ZDHHC14: variants seen among roughly 807,000 people sequenced by gnomAD.
ZDHHC14 encodes the protein zDHHC palmitoyltransferase 14.
A neutral mutation model predicts 47.7 loss-of-function variants in ZDHHC14; 16 were observed. The ratio of observed to expected loss-of-function variants is 0.34; its 90% CI spans 0.23 to 0.51. ZDHHC14 has a LOEUF of 0.51. ZDHHC14 is among the 20% of genes least tolerant of loss of function. The pLI is 0.97. For missense variants in ZDHHC14, 515 were observed against 662.5 expected (o/e 0.78, Z 2.44); for synonymous variants, 293 against 278.9 (o/e 1.05, Z -0.50).
At chr6:157,555,844 T>C (rs1037912409) in intron 2 of ZDHHC14, among the ~76,000 whole-genome samples, 11 of 152,158 alleles carry the variant, frequency 7.2e-5, no homozygotes, top group African/African-American at 2.7e-4. Context: ...CATTGCCAAA[T>C]GTCCCCTTGG....
At chr6:157,609,126 T>C (rs1424587939) in intron 3 of ZDHHC14, among the ~76,000 whole-genome samples, 4 of 152,220 alleles carry the variant, frequency 2.6e-5, no homozygotes, top group Non-Finnish European at 4.4e-5. Flanking sequence ...AGTATGTAAT[T>C]CAGTGTAACT....
chr6:157,484,924 C>T lies in ZDHHC14; in HGVS notation c.246-57661C>T, dbSNP rs149639283. Among the ~76,000 whole-genome samples, 421 of 151,910 alleles carry T rather than the reference C, an allele frequency of 2.8e-3. 4 individuals carry two copies. Among genetic ancestry groups the T allele is most frequent in the African/African-American group, 0.01 (415 of 41,422 alleles). ...ACCAGCCTGGCCAACATGGTGAAAC[C>T]CCATCTCTACTAAAAATACAAAAAT... On this transcript the variant is annotated intron_variant, in intron 1 of 8. Coordinates refer to ENST00000359775, the MANE Select transcript of ZDHHC14 (RefSeq NM_024630.3).
At chr6:157,640,354 C>T (rs1024077690) in intron 5 of ZDHHC14, among the ~76,000 whole-genome samples, 1 of 152,226 alleles carries the variant, frequency 6.6e-6, no homozygotes, top group African/African-American at 2.4e-5. Context: ...GTTGCATTCA[C>T]TGGACACTGA....
At chr6:157,388,320 C>T (rs1357057680) in intron 1 of ZDHHC14, among the ~76,000 whole-genome samples, 1 of 152,286 alleles carries the variant, frequency 6.6e-6, no homozygotes, top group Non-Finnish European at 1.5e-5. Flanking sequence ...AGAAAGGACT[C>T]CTCTAGGTTC....
chr6:157,604,426 G>A (rs377079369), intron 3 of ZDHHC14, among the ~76,000 whole-genome samples: 2 of 152,184 alleles, frequency 1.3e-5, no homozygotes, highest in African/African-American at 4.8e-5. Flanking sequence ...GGAGGTCCTG[G>A]AAGCAATCCC....
intron 1 of ZDHHC14, among the ~76,000 whole-genome samples, chr6:157,444,159 C>T (rs1232036730): frequency 1.3e-5 from 2 of 152,162 alleles, no homozygotes; most frequent in African/African-American, 4.8e-5. Context: ...TAAACTGACT[C>T]CAAATTATTA....
intron 1 of ZDHHC14, among the ~76,000 whole-genome samples, chr6:157,515,542 CA>C (rs528563483): frequency 1.3e-5 from 2 of 150,076 alleles, no homozygotes; most frequent in African/African-American, 4.9e-5. Flanking sequence ...CCGCTCACTG[CA>C]AGCTCCGCCT....
chr6:157,396,562 C>T (rs1777526804), intron 1 of ZDHHC14, among the ~76,000 whole-genome samples: 1 of 152,188 alleles, frequency 6.6e-6, no homozygotes, highest in South Asian at 2.1e-4. Context: ...GCAGATTTTC[C>T]TGCCTCTCTT....
chr6:157,392,788 C>G (rs147084399), intron 1 of ZDHHC14, among the ~76,000 whole-genome samples: 2,303 of 152,278 alleles, frequency 0.015, 22 homozygotes, highest in Non-Finnish European at 0.016. Flanking sequence ...CATACCATTA[C>G]AGTAGACCTC....
intron 1 of ZDHHC14, among the ~76,000 whole-genome samples, chr6:157,454,498 CTTTTTTTT>C (rs5881212): frequency 3.9e-5 from 5 of 127,674 alleles, no homozygotes; most frequent in African/African-American, 1.2e-4. Context: ...GCAGCTTCTT[CTTTTTTTT>C]TTTTTTTTTT....
intron 3 of ZDHHC14, among the ~76,000 whole-genome samples, chr6:157,610,797 T>C (rs1336813003): frequency 1.3e-5 from 2 of 152,202 alleles, no homozygotes; most frequent in Non-Finnish European, 2.9e-5. Flanking sequence ...GCCAGCATTC[T>C]CTCACCAGGC....
intron 3 of ZDHHC14, among the ~76,000 whole-genome samples, chr6:157,607,527 A>T (rs1412838521): frequency 2.0e-5 from 3 of 152,156 alleles, no homozygotes; most frequent in Non-Finnish European, 4.4e-5. Flanking sequence ...GACCACCTAC[A>T]GTGTGGCCTG....
intron 1 of ZDHHC14, among the ~76,000 whole-genome samples, chr6:157,521,878 C>G (rs1210917798): frequency 6.6e-6 from 1 of 152,308 alleles, no homozygotes; most frequent in Non-Finnish European, 1.5e-5. Context: ...GCTCTGACTT[C>G]TAGATTGACT....
intron 2 of ZDHHC14, among the ~76,000 whole-genome samples, chr6:157,545,819 G>A (rs947899563): frequency 1.3e-5 from 2 of 152,174 alleles, no homozygotes; most frequent in Non-Finnish European, 2.9e-5. Flanking sequence ...CTCTAGTTGC[G>A]TGACTTAGGT....
intron 3 of ZDHHC14, among the ~76,000 whole-genome samples, chr6:157,605,501 GC>G (rs1446726474): frequency 6.6e-6 from 1 of 152,140 alleles, no homozygotes; most frequent in Non-Finnish European, 1.5e-5. Flanking sequence ...CAAGCAATGG[GC>G]TGGAAAGTGT....
At chr6:157,400,841 C>T (rs1186780225) in intron 1 of ZDHHC14, among the ~76,000 whole-genome samples, 3 of 152,226 alleles carry the variant, frequency 2.0e-5, no homozygotes, top group African/African-American at 7.2e-5. Context: ...CTGCCTCTTA[C>T]CAGTGAGTGC....
chr6:157,589,086 A>G (rs1783807518), intron 2 of ZDHHC14, among the ~76,000 whole-genome samples: 1 of 152,192 alleles, frequency 6.6e-6, no homozygotes, highest in South Asian at 2.1e-4. Flanking sequence ...TATAGGAAGC[A>G]TGGCTGAGGA....
intron 2 of ZDHHC14, among the ~76,000 whole-genome samples, chr6:157,560,321 G>A (rs1289451107): frequency 2.6e-5 from 4 of 152,186 alleles, no homozygotes; most frequent in African/African-American, 9.7e-5. Flanking sequence ...GCAGGTGCCC[G>A]GCTGAAGACC....
chr6:157,652,945 G>C (rs1269924068), intron 7 of ZDHHC14, among the ~76,000 whole-genome samples: 1 of 152,202 alleles, frequency 6.6e-6, no homozygotes, highest in Non-Finnish European at 1.5e-5. Context: ...AGGGGCAAGA[G>C]CAGGGGCTTT....
Sources: allele counts gnomAD v4.1 joint callset (sites outside exome capture counted in the v4.1 genomes callset), GRCh38; gene constraint gnomAD v4.1.1; transcripts MANE v1.5; gene names NCBI Gene and HGNC (gene_info 2026-07-23, HGNC 2026-07-21).